SESN1: variants seen among roughly 807,000 people sequenced by gnomAD.
SESN1 encodes sestrin 1.
A neutral mutation model predicts 59.3 loss-of-function variants in SESN1; 30 were observed. The observed-to-expected ratio is 0.51, with a 90% CI of 0.38 to 0.69. The LOEUF (loss-of-function observed/expected upper bound fraction) is 0.69. Ranked by LOEUF, SESN1 falls within the 30% of genes least tolerant of loss-of-function variation. The pLI is 0.00. For synonymous variants in SESN1, 197 were observed against 219.9 expected, an observed-to-expected ratio of 0.90 and a Z score of 0.92; for missense variants, 566 against 673.0, an observed-to-expected ratio of 0.84 and a Z score of 1.76.
chr6:109,013,059 T>C (rs1011714055), intron 1 of SESN1, among the ~76,000 whole-genome samples: 31 of 149,116 alleles, frequency 2.1e-4, no homozygotes, highest in Non-Finnish European at 3.3e-4. Flanking sequence ...GAGGTTGCGA[T>C]GAGCCAAGAT....
At position 108,985,080 on chromosome 6, in the gene SESN1, A is replaced by G. The variant is rs1779147931; in HGVS notation, c.*2464T>C. Among the ~76,000 whole-genome samples the G allele has an allele frequency of 6.6e-6, 1 of 152,212 alleles. No homozygotes were observed. The highest frequency in any genetic ancestry group is 2.4e-5 in the African/African-American group (1 of 41,456). On this transcript the variant is annotated 3_prime_UTR_variant, in exon 10 of 10. Coordinates refer to ENST00000436639, the MANE Select transcript of SESN1 (RefSeq NM_014454.3). ...ATTCATATATGATATTCACATATAC[A>G]AATATGCTAGTAACATTTCTGATTC...
In SESN1 at chr6:109,001,477, CA is replaced by C; in HGVS notation, c.356del (p.Val119GlyfsTer27). 6.2e-7 allele frequency: 1 copy of C among 1,612,546 alleles called. No individual in the cohort carries two copies. Among genetic ancestry groups the C allele is most frequent in the Non-Finnish European group, 8.5e-7 (1 of 1,179,280 alleles). On this transcript the variant is annotated frameshift_variant, in exon 3 of 10. Coordinates refer to ENST00000436639, the MANE Select transcript of SESN1 (RefSeq NM_014454.3). LOFTEE classifies it high-confidence loss of function. ...CATGCATCTGTGCGTCTTCACTCCC[CA>C]CTTGGAGGATCTGTATAAATGAGAA... is the stretch of plus-strand genomic sequence containing the variant. ...RFIPEKEILQ[V>X]GSEDAQMHAL...
At chr6:109,011,229 C>G (rs1779852548) in intron 1 of SESN1, among the ~76,000 whole-genome samples, 1 of 152,198 alleles carries the variant, frequency 6.6e-6, no homozygotes, top group African/African-American at 2.4e-5. Flanking sequence ...AAACTGCTAA[C>G]TGCATGCATA....
At chr6:109,005,338 A>G (rs1021375258) in intron 1 of SESN1, among the ~76,000 whole-genome samples, 2 of 152,172 alleles carry the variant, frequency 1.3e-5, no homozygotes, top group African/African-American at 4.8e-5. Context: ...CAGAATATGT[A>G]TATATTATGT....
chr6:108,990,808 A>T lies in SESN1; in HGVS notation c.1261T>A (p.Ser421Thr). 1 of 1,614,032 alleles carries T rather than the reference A, an allele frequency of 6.2e-7. No individual in the cohort carries two copies. The highest frequency in any genetic ancestry group is 8.5e-7 in the Non-Finnish European group (1 of 1,179,988). ...QDYCWEDHGY[S>T]LVNRLYPDVG... ...TCTGGATAAAGGCGATTTACCAAAGAATAACCATGATCTTCCCAGCAATAG... is the reference window on the plus strand; with the variant it reads ...TCTGGATAAAGGCGATTTACCAAAGTATAACCATGATCTTCCCAGCAATAG... Residue 421 changes from serine to threonine, a missense_variant, in exon 8 of 10, where the codon TCT becomes ACT. Physicochemically the swap from Ser to Thr is moderately conservative, Grantham distance 58. Coordinates refer to ENST00000436639, the MANE Select transcript of SESN1 (RefSeq NM_014454.3).
At chr6:109,080,130 T>C (rs1447198128) in intron 1 of SESN1, among the ~76,000 whole-genome samples, 1 of 152,180 alleles carries the variant, frequency 6.6e-6, no homozygotes, top group African/African-American at 2.4e-5. Context: ...ATAAAACCAG[T>C]ACTTTTCCAC....
intron 1 of SESN1, among the ~76,000 whole-genome samples, chr6:109,028,190 G>A (rs139350564): frequency 6.6e-6 from 1 of 151,918 alleles, no homozygotes; most frequent in African/African-American, 2.4e-5. Context: ...ATAGCTTTAG[G>A]TTTTAATAGA....
Position 109,000,599 on chromosome 6 carries a change from G to T in SESN1, c.621C>A (p.Pro207=). 2 of 1,612,148 alleles carry T rather than the reference G, an allele frequency of 1.2e-6. 1 individual carries two copies. Among genetic ancestry groups the T allele is most frequent in the South Asian group, 2.2e-5 (2 of 90,694 alleles). ...CATTCTCTAAACCATTGAGCCACTT[G>T]GGGTCCCCACCAACATGAAGGAAAT... is the stretch of plus-strand genomic sequence containing the variant. ...VNDFLHVGGD[P]KWLNGLENAP... The change falls in exon 4 of 10, where the codon CCC becomes CCA. Residue 207 remains proline (P), a synonymous_variant. Coordinates refer to ENST00000436639, the MANE Select transcript of SESN1 (RefSeq NM_014454.3).
chr6:109,081,041 C>CAA (rs35855960), intron 1 of SESN1, among the ~76,000 whole-genome samples: 9 of 146,114 alleles, frequency 6.2e-5, no homozygotes, highest in Admixed American at 3.4e-4. Flanking sequence ...TTCCAAAATC[C>CAA]AAAAAAAAAA....
rs534577620 is a variant in SESN1, at chr6:109,023,879, A to G, written c.280-21536T>C. ...AGTCACTTTCATATATTTAAAGCAT[A>G]AGAGAATATTGTAGATTGTTCTTAG... On this transcript the variant is annotated intron_variant, in intron 1 of 9. Coordinates refer to ENST00000436639, the MANE Select transcript of SESN1 (RefSeq NM_014454.3). 6.6e-5 allele frequency among the ~76,000 whole-genome samples: 10 copies of G among 152,312 alleles called. No homozygotes were observed. The East Asian group carries it at 7.7e-4, about 12-fold the overall frequency.
chr6:109,094,244 A>G lies in SESN1; in HGVS notation c.-171T>C. 4.5e-6 allele frequency: 3 copies of G among 671,124 alleles called. No homozygotes were observed. The highest frequency in any genetic ancestry group is 1.9e-5 in the South Asian group (1 of 51,528). The allele number at this position is 671,124 out of a possible 1,614,324, so 41.6% of individuals were successfully genotyped here. A position where few individuals can be genotyped will look rare whatever the true frequency, so the allele number is the denominator to read the frequency against. On this transcript the variant is annotated 5_prime_UTR_variant, in exon 1 of 10. Coordinates refer to ENST00000436639, the MANE Select transcript of SESN1 (RefSeq NM_014454.3). The stretch of plus-strand genomic sequence containing the variant: ...CACTGGTGCCTTCAGCCGATCTACA[A>G]GCTAGGTCACCCTCTCACCCTCTCC...
chr6:109,014,743 T>C (rs79703730), intron 1 of SESN1, among the ~76,000 whole-genome samples: 10,553 of 152,218 alleles, frequency 0.069, 488 homozygotes, highest in East Asian at 0.15. Flanking sequence ...TCTGGGCCTT[T>C]GGTGGCCTCA....
intron 1 of SESN1, among the ~76,000 whole-genome samples, chr6:109,008,363 G>C (rs1465907757): frequency 6.6e-6 from 1 of 152,166 alleles, no homozygotes; most frequent in Non-Finnish European, 1.5e-5. Flanking sequence ...TTTCCAAAGC[G>C]ATACTGTAAG....
At chr6:109,067,042 A>G (rs550925722) in intron 1 of SESN1, among the ~76,000 whole-genome samples, 145 of 152,216 alleles carry the variant, frequency 9.5e-4, no homozygotes, top group Non-Finnish European at 2.1e-3. Context: ...TTGAAAATGT[A>G]TGCTTTTCAC....
At chr6:109,040,145 C>T (rs1780315485) in intron 1 of SESN1, among the ~76,000 whole-genome samples, 1 of 152,172 alleles carries the variant, frequency 6.6e-6, no homozygotes, top group Admixed American at 6.6e-5. Flanking sequence ...ATTTGAATTG[C>T]TAGTCTTCAA....
chr6:109,002,255 A>G (rs747527391), intron 2 of SESN1, 23 bp downstream of exon 2: 6 of 1,604,020 alleles, frequency 3.7e-6, no homozygotes, highest in Non-Finnish European at 5.1e-6. Context: ...ACAGTTCACT[A>G]TGTACTTTCA....
chr6:109,029,668 G>A (rs1178116236), intron 1 of SESN1, among the ~76,000 whole-genome samples: 3 of 152,054 alleles, frequency 2.0e-5, no homozygotes, highest in Non-Finnish European at 4.4e-5. Context: ...CCCAAGTAGG[G>A]TTTAACAGGT....
intron 9 of SESN1, among the ~76,000 whole-genome samples, chr6:108,987,854 G>C (rs1239746254): frequency 6.7e-6 from 1 of 148,926 alleles, no homozygotes; most frequent in Non-Finnish European, 1.5e-5. Flanking sequence ...CCAGGCTCGG[G>C]TGCAGTGGCA....
rs549098834 is a variant in SESN1 at position 109,085,796 on chromosome 6, A to G, written c.279+7999T>C. On this transcript the variant is annotated intron_variant, in intron 1 of 9. Transcript: ENST00000436639. ...TTTGAGAAATTCTGACAAAGCAGAG[A>G]TTAGAATTGGTGGCAAAGCTTGCTT... is the stretch of plus-strand genomic sequence containing the variant. Among the ~76,000 whole-genome samples, 4 of 152,296 alleles carry G rather than the reference A, an allele frequency of 2.6e-5. No individual in the cohort carries two copies. In the East Asian group the frequency reaches 7.7e-4, roughly 29 times the overall value.
Sources: allele counts gnomAD v4.1 joint callset (sites outside exome capture counted in the v4.1 genomes callset), GRCh38; gene constraint gnomAD v4.1.1; transcripts MANE v1.5; gene names NCBI Gene and HGNC (gene_info 2026-07-23, HGNC 2026-07-21).